PLCE1: variants seen among roughly 807,000 people sequenced by gnomAD.
PLCE1 encodes 1-phosphatidylinositol 4,5-bisphosphate phosphodiesterase epsilon-1.
A neutral mutation model predicts 242.8 loss-of-function variants in PLCE1; 119 were observed. The ratio of observed to expected loss-of-function variants is 0.49; its 90% CI spans 0.42 to 0.57. PLCE1 has a LOEUF of 0.57. Among genes scored for constraint, PLCE1 ranks in the 20% least tolerant of loss-of-function variants. The pLI, the probability that PLCE1 is intolerant of heterozygous loss-of-function variation, is 0.00. For missense variants in PLCE1, 2,441 were observed against 2,788.8 expected (o/e 0.88, Z 2.81); for synonymous variants, 945 against 1,017.4 (o/e 0.93, Z 1.35).
chr10:94,158,959 C>A (rs963543127), intron 3 of PLCE1, among the ~76,000 whole-genome samples: 2 of 149,428 alleles, frequency 1.3e-5, no homozygotes, highest in African/African-American at 2.5e-5. Context: ...TGGGTTCGAG[C>A]GATTCTCCCG....
At chr10:94,229,650 G>A (rs1479131950) in intron 5 of PLCE1, among the ~76,000 whole-genome samples, 2 of 152,170 alleles carry the variant, frequency 1.3e-5, no homozygotes, top group East Asian at 1.9e-4. Context: ...ACCTATGGAG[G>A]CCTAGAGTGA....
chr10:94,123,650 A>T (rs2046360328), intron 2 of PLCE1, among the ~76,000 whole-genome samples: 1 of 152,164 alleles, frequency 6.6e-6, no homozygotes, highest in South Asian at 2.1e-4. Context: ...GACAGTTCTT[A>T]TATCATTGCA....
At chr10:94,003,650 G>A (rs563725239) in intron 1 of PLCE1, among the ~76,000 whole-genome samples, 8 of 152,128 alleles carry the variant, frequency 5.3e-5, no homozygotes, top group South Asian at 2.1e-4. Flanking sequence ...TGGAGACCCC[G>A]TGTGCTTTCC....
intron 3 of PLCE1, among the ~76,000 whole-genome samples, chr10:94,168,851 A>C (rs1399102603): frequency 6.6e-6 from 1 of 152,134 alleles, no homozygotes; most frequent in Non-Finnish European, 1.5e-5. Context: ...TCCACTGTAC[A>C]TATATTATCA....
At chr10:94,068,165 TG>T (rs2044248308) in intron 2 of PLCE1, among the ~76,000 whole-genome samples, 1 of 152,178 alleles carries the variant, frequency 6.6e-6, no homozygotes, top group Non-Finnish European at 1.5e-5. Flanking sequence ...ATGCCCACTC[TG>T]CTTTTGTTCA....
chr10:94,133,796 G>A (rs766890311), intron 3 of PLCE1, among the ~76,000 whole-genome samples: 2 of 152,074 alleles, frequency 1.3e-5, no homozygotes, highest in African/African-American at 2.4e-5. Flanking sequence ...CATTTTTTGA[G>A]CCCCTATTAG....
chr10:94,305,649 T>G (rs2053175336), intron 25 of PLCE1, among the ~76,000 whole-genome samples: 1 of 152,228 alleles, frequency 6.6e-6, no homozygotes, highest in African/African-American at 2.4e-5. Context: ...TGTTATTTTT[T>G]AGATAGAGGC....
At chr10:94,097,938 C>T (rs796712636) in intron 2 of PLCE1, among the ~76,000 whole-genome samples, 5 of 152,236 alleles carry the variant, frequency 3.3e-5, no homozygotes, top group African/African-American at 1.2e-4. Flanking sequence ...AGGTTTCTGA[C>T]CTACAGCAGT....
rs559248071 is a variant in PLCE1, at chr10:94,071,089, TGATA to T, written c.1206+38843_1206+38846del. On this transcript the variant is annotated intron_variant, in intron 2 of 32. Transcript: ENST00000371380. ...AAGGCTAAGCAGCTTGCTCAAGACC[TGATA>T]GATAGTAAGTGCTGCGGCTGAGCCC... Among the ~76,000 whole-genome samples, 198 of 152,260 alleles carry T rather than the reference TGATA, an allele frequency of 1.3e-3. 1 individual carries two copies. Among genetic ancestry groups the T allele is most frequent in the African/African-American group, 4.0e-3 (165 of 41,530 alleles).
At chr10:93,998,683 C>T (rs1245451859) in intron 1 of PLCE1, among the ~76,000 whole-genome samples, 1 of 152,190 alleles carries the variant, frequency 6.6e-6, no homozygotes, top group South Asian at 2.1e-4. Context: ...GTTTCTTCCC[C>T]CAGGGCTCCT....
At chr10:94,086,261 T>G (rs1161288263) in intron 2 of PLCE1, among the ~76,000 whole-genome samples, 1 of 152,204 alleles carries the variant, frequency 6.6e-6, no homozygotes, top group African/African-American at 2.4e-5. Flanking sequence ...TAGAACTGAT[T>G]TGGGTCACAC....
chr10:94,067,614 A>G (rs1188392530), intron 2 of PLCE1, among the ~76,000 whole-genome samples: 1 of 152,200 alleles, frequency 6.6e-6, no homozygotes, highest in Non-Finnish European at 1.5e-5. Flanking sequence ...AGGCCTGAGC[A>G]ACACCCCAGG....
At chr10:94,301,580 C>G (rs146218073) in intron 24 of PLCE1, among the ~76,000 whole-genome samples, 1 of 152,106 alleles carries the variant, frequency 6.6e-6, no homozygotes, top group Non-Finnish European at 1.5e-5. Context: ...GGGATTCTAA[C>G]GCTCCAAGTG....
At chr10:94,270,893 C>T (rs2051705373) in intron 18 of PLCE1, among the ~76,000 whole-genome samples, 1 of 152,200 alleles carries the variant, frequency 6.6e-6, no homozygotes, top group African/African-American at 2.4e-5. Flanking sequence ...TGCTCTGGAA[C>T]TCCTGGCTTC....
chr10:94,114,265 C>A (rs2046047380), intron 2 of PLCE1, among the ~76,000 whole-genome samples: 1 of 152,168 alleles, frequency 6.6e-6, no homozygotes, highest in South Asian at 2.1e-4. Context: ...CTCACTTCCC[C>A]CAAAGTGGAG....
chr10:94,237,998 T>C (rs1160777606), intron 7 of PLCE1, among the ~76,000 whole-genome samples: 2 of 152,126 alleles, frequency 1.3e-5, no homozygotes, highest in Non-Finnish European at 2.9e-5. Flanking sequence ...GAAGGGACAA[T>C]CTCATGGTCC....
At position 94,262,633 on chromosome 10, in the gene PLCE1, T is replaced by G; in HGVS notation, c.3954T>G (p.Ser1318=). The stretch of plus-strand genomic sequence containing the variant: ...ATGGCACTGGGATTGAGAGCACATC[T>G]CTGGGCATTTTTGGGGTGGGCATAC... ...VTNGTGIEST[S]LGIFGVGILQ... is the part of the protein sequence containing the mutation. Residue 1318 remains serine, a synonymous_variant, in exon 14 of 33, where the codon TCT becomes TCG. Coordinates refer to ENST00000371380, the MANE Select transcript of PLCE1 (RefSeq NM_016341.4). 1 of 1,614,116 alleles carries G rather than the reference T, an allele frequency of 6.2e-7. No homozygotes were observed. Among genetic ancestry groups the G allele is most frequent in the Non-Finnish European group, 8.5e-7 (1 of 1,179,988 alleles).
At position 94,223,233 on chromosome 10, in the gene PLCE1, CA is replaced by C. The variant is rs60764243; in HGVS notation, c.1810-4054del. 5.0e-3 allele frequency among the ~76,000 whole-genome samples: 453 copies of C among 90,864 alleles called. 5 individuals are homozygous for C. Among genetic ancestry groups the C allele is most frequent in the African/African-American group, 8.2e-3 (172 of 20,982 alleles). 59.6% of individuals were successfully genotyped at this position (90,864 alleles called of 152,430 possible). A position where few individuals can be genotyped will look rare whatever the true frequency, so the allele number is the denominator to read the frequency against. On this transcript the variant is annotated intron_variant, in intron 4 of 32. Coordinates refer to ENST00000371380, the MANE Select transcript of PLCE1 (RefSeq NM_016341.4). ...GCAACATAGTGATACTCCATCTCTACAAAAAAAAAAAAAAAAAAATTGAATC... is the reference window on the plus strand; with the variant it reads ...GCAACATAGTGATACTCCATCTCTACAAAAAAAAAAAAAAAAAATTGAATC...
chr10:94,316,724 A>C lies in PLCE1; in HGVS notation c.6310A>C (p.Met2104Leu), dbSNP rs760229823. Residue 2104 changes from methionine to leucine, a missense_variant, in exon 29 of 33, where the codon ATG becomes CTG. Coordinates refer to ENST00000371380, the MANE Select transcript of PLCE1 (RefSeq NM_016341.4). The part of the protein sequence containing the change: ...LSSWFPEEGY[M>L]GRIVLKTQQE... ...CAGCTGGTTTCCAGAAGAGGGATAC[A>C]TGGGCAGGATTGTCTTAAAAACCCA... is the stretch of plus-strand genomic sequence containing the variant. The C allele has an allele frequency of 6.2e-7, 1 of 1,614,014 alleles. No homozygotes were observed.
Sources: gnomAD v4.1 joint callset for allele counts (sites outside exome capture counted in the v4.1 genomes callset) on GRCh38, gnomAD v4.1.1 for gene constraint, MANE v1.5 for transcripts, NCBI Gene and HGNC (gene_info 2026-07-23, HGNC 2026-07-21) for gene names.